The following CD109 variants were observed in gnomAD, a reference collection of about 807,000 sequenced individuals.
The protein encoded by CD109 is CD109 molecule, also known as CD109 antigen.
Under a neutral mutation model 165.8 loss-of-function variants are expected in CD109, and 149 were observed. The observed-to-expected ratio is 0.90, with a 90% confidence interval of 0.79 to 1.03. The LOEUF is 1.03. CD109 is among the 50% of genes least tolerant of loss of function. The pLI is 0.00. For missense variants in CD109, 1,712 were observed against 1,677.8 expected (o/e 1.02, Z -0.36); for synonymous variants, 585 against 592.1 (o/e 0.99, Z 0.18).
intron 5 of CD109, among the ~76,000 whole-genome samples, chr6:73,750,000 G>A (rs976334402): frequency 5.3e-5 from 8 of 152,122 alleles, no homozygotes; most frequent in African/African-American, 1.9e-4. Context: ...ACAAATATAC[G>A]AATACCTTCA....
chr6:73,802,313 T>TTTTA (rs1775395009), intron 23 of CD109, among the ~76,000 whole-genome samples: 3 of 131,922 alleles, frequency 2.3e-5, no homozygotes, highest in Admixed American at 7.4e-5. Flanking sequence ...ATATTTTTTT[T>TTTTA]TTTTTTTTTT....
In CD109 at chr6:73,826,069, T is replaced by TA. The variant is rs1214092886; in HGVS notation, c.*2439dup. 6.6e-6 allele frequency: 1 copy of TA among 152,096 alleles called. No individual in the cohort carries two copies. The highest frequency in any genetic ancestry group is 1.5e-5 in the Non-Finnish European group (1 of 68,022). The allele number at this position is 152,096 out of a possible 1,614,324, so 9.4% of individuals were successfully genotyped here. A position where few individuals can be genotyped will look rare whatever the true frequency, so the allele number is the denominator to read the frequency against. On this transcript the variant is annotated 3_prime_UTR_variant, in exon 33 of 33. Transcript: ENST00000287097. ...AAGAGGACAACAATGAGAAGGAACA[T>TA]AAAGGGTTAGCTAGCACTGTCTCCT...
At chr6:73,787,514 GT>G (rs35066559) in intron 21 of CD109, 62 bp downstream of exon 21, 2 of 1,318,628 alleles carry the variant, frequency 1.5e-6, no homozygotes, top group Non-Finnish European at 2.1e-6. Context: ...GAAGCAGAAG[GT>G]TTTTTCTCTT....
intron 2 of CD109, among the ~76,000 whole-genome samples, chr6:73,709,608 T>G (rs1389337333): frequency 6.6e-6 from 1 of 152,106 alleles, no homozygotes; most frequent in Non-Finnish European, 1.5e-5. Context: ...GCCATTTTCC[T>G]GATACCAAAG....
At chr6:73,789,981 C>T (rs768625991) in intron 22 of CD109, among the ~76,000 whole-genome samples, 1 of 151,930 alleles carries the variant, frequency 6.6e-6, no homozygotes, top group Non-Finnish European at 1.5e-5. Context: ...AGGCTGGTCT[C>T]GAACCCCTGA....
chr6:73,806,263 C>G (rs1775558683), intron 24 of CD109, among the ~76,000 whole-genome samples: 1 of 147,282 alleles, frequency 6.8e-6, no homozygotes, highest in African/African-American at 2.5e-5. Context: ...ATCGCAAGGA[C>G]AAAAAACCAA....
intron 5 of CD109, among the ~76,000 whole-genome samples, chr6:73,750,307 A>G (rs1403458155): frequency 1.3e-5 from 2 of 152,194 alleles, no homozygotes; most frequent in Admixed American, 6.5e-5. Flanking sequence ...GGACTGAGCC[A>G]TCAGAAATCA....
chr6:73,701,420 A>G (rs1165486119), intron 2 of CD109, among the ~76,000 whole-genome samples: 1 of 152,226 alleles, frequency 6.6e-6, no homozygotes, highest in Admixed American at 6.5e-5. Context: ...AGCTATTGGC[A>G]TTTAAAATCA....
At chr6:73,749,730 A>G (rs1253043569) in intron 5 of CD109, among the ~76,000 whole-genome samples, 1 of 152,236 alleles carries the variant, frequency 6.6e-6, no homozygotes, top group Non-Finnish European at 1.5e-5. Context: ...CTCTGGTTAT[A>G]AAAGTAATGC....
chr6:73,711,484 GAC>G (rs1263645164), intron 2 of CD109, among the ~76,000 whole-genome samples: 1 of 151,970 alleles, frequency 6.6e-6, no homozygotes, highest in Non-Finnish European at 1.5e-5. Context: ...GCCTTAAAGT[GAC>G]ATTAAACTGT....
intron 23 of CD109, among the ~76,000 whole-genome samples, chr6:73,800,952 T>G (rs1473843086): frequency 6.6e-6 from 1 of 152,220 alleles, no homozygotes; most frequent in Non-Finnish European, 1.5e-5. Flanking sequence ...TGCCTTGGAA[T>G]AGTTTAAAAA....
intron 2 of CD109, among the ~76,000 whole-genome samples, chr6:73,710,719 T>C (rs1235840899): frequency 6.6e-6 from 1 of 152,078 alleles, no homozygotes; most frequent in Non-Finnish European, 1.5e-5. Flanking sequence ...AGGTAGATCT[T>C]CACCCTTATC....
chr6:73,708,952 C>T (rs1249235234), intron 2 of CD109, among the ~76,000 whole-genome samples: 1 of 152,104 alleles, frequency 6.6e-6, no homozygotes, highest in Non-Finnish European at 1.5e-5. Context: ...CTGTAGGCTG[C>T]CTGTTCACTC....
At chr6:73,762,961 C>G (rs1773690991) in intron 9 of CD109, 79 bp downstream of exon 9, 1 of 1,215,660 alleles carries the variant, frequency 8.2e-7, no homozygotes, top group African/African-American at 1.5e-5. Context: ...CTGGCACTTT[C>G]ATTTGGGAGC....
At chr6:73,781,780 C>CACAG (rs773876375) in intron 17 of CD109, among the ~76,000 whole-genome samples, 12 of 137,088 alleles carry the variant, frequency 8.8e-5, no homozygotes, top group African/African-American at 3.3e-4. Flanking sequence ...CAGACACAGA[C>CACAG]ACACACACAC....
chr6:73,718,319 C>T (rs570681111), intron 2 of CD109, among the ~76,000 whole-genome samples: 6 of 152,020 alleles, frequency 3.9e-5, no homozygotes, highest in South Asian at 2.1e-4. Context: ...GCATTCTTGT[C>T]GTCTTCCTGA....
chr6:73,791,351 CTG>C (rs1208462343), intron 22 of CD109, among the ~76,000 whole-genome samples: 1 of 151,154 alleles, frequency 6.6e-6, no homozygotes, highest in Non-Finnish European at 1.5e-5. Flanking sequence ...GCATGCACCA[CTG>C]TGCCTGGCCA....
At chr6:73,818,862 C>G (rs1222574019) in intron 31 of CD109, among the ~76,000 whole-genome samples, 1 of 152,180 alleles carries the variant, frequency 6.6e-6, no homozygotes, top group Non-Finnish European at 1.5e-5. Flanking sequence ...CTGTCTGCCT[C>G]AGGGAGTTGC....
chr6:73,762,207 C>T (rs942650206), intron 7 of CD109, among the ~76,000 whole-genome samples, 177 bp from the exon 8 acceptor site: 2 of 149,802 alleles, frequency 1.3e-5, no homozygotes, highest in African/African-American at 2.5e-5. Flanking sequence ...GTGATCCACC[C>T]GCCTCGGCCT....
Sources: gnomAD v4.1 joint callset for allele counts (sites outside exome capture counted in the v4.1 genomes callset) on GRCh38, gnomAD v4.1.1 for gene constraint, MANE v1.5 for transcripts, NCBI Gene and HGNC (gene_info 2026-07-23, HGNC 2026-07-21) for gene names.